The following NECAB3 variants were observed in gnomAD, a reference collection of about 807,000 sequenced individuals.
NECAB3 encodes the protein N-terminal EF-hand calcium-binding protein 3.
A neutral mutation model predicts 57.2 loss-of-function variants in NECAB3; 38 were observed. The observed-to-expected ratio is 0.66, with a 90% CI of 0.51 to 0.87. The LOEUF is 0.87. Ranked by LOEUF, NECAB3 falls within the 40% of genes least tolerant of loss-of-function variation. NECAB3 has a pLI of 0.00. For synonymous variants in NECAB3, 223 were observed against 222.6 expected (o/e 1.00, Z -0.02); for missense variants, 474 against 527.5 (o/e 0.90, Z 0.99).
intron 5 of NECAB3, chr20:33,663,430 G>C: frequency 7.8e-7 from 1 of 1,274,636 alleles, no homozygotes. Context: ...TGGACGACAG[G>C]ACCCGGGTGG....
intron 5 of NECAB3, chr20:33,667,276 G>A (rs543324516): frequency 7.0e-5 from 34 of 487,158 alleles, no homozygotes; most frequent in Admixed American, 1.3e-4. Context: ...GCCGGGCTGC[G>A]AGCTGGCGGG....
At chr20:33,672,217 C>A in intron 2 of NECAB3, 181 bp downstream of exon 2, 1 of 709,546 alleles carries the variant, frequency 1.4e-6, no homozygotes, top group Non-Finnish European at 2.4e-6. Context: ...CACTCTCCAT[C>A]CTGCCAAACT....
At chr20:33,671,038 A>G (rs2017818784) in intron 2 of NECAB3, among the ~76,000 whole-genome samples, 1 of 152,256 alleles carries the variant, frequency 6.6e-6, no homozygotes, top group African/African-American at 2.4e-5. Flanking sequence ...CAGTATGTAC[A>G]TAGCGTTGGG....
chr20:33,669,271 G>A lies in NECAB3; in HGVS notation c.387+104C>T, dbSNP rs755559957. 8 of 1,202,408 alleles carry A rather than the reference G, an allele frequency of 6.7e-6. No homozygotes were observed. The Admixed American group carries it at 1.2e-4, about 17-fold the overall frequency. 74.5% of individuals were successfully genotyped at this position (1,202,408 alleles called of 1,614,324 possible). On this transcript the variant is annotated intron_variant, in intron 5 of 11. Transcript: ENST00000246190. The stretch of plus-strand genomic sequence containing the variant: ...AGTGGGAGCCAGGATTTGAACCCAA[G>A]CCCCTAGCTCTATAACCCTGAGTCA...
At chr20:33,658,416 C>G (rs957991190) in intron 10 of NECAB3, 61 bp downstream of exon 10, 1 of 1,544,640 alleles carries the variant, frequency 6.5e-7, no homozygotes, top group African/African-American at 1.4e-5. Flanking sequence ...AATTAGAACC[C>G]TGGCCTGACT....
chr20:33,669,539 C>A (rs2017782077), intron 4 of NECAB3, 67 bp from the exon 5 acceptor site: 1 of 1,581,762 alleles, frequency 6.3e-7, no homozygotes, highest in Non-Finnish European at 8.6e-7. Context: ...GGGATTCTGG[C>A]CCCCTGGAAT....
chr20:33,657,540 C>T lies in NECAB3; in HGVS notation c.*289G>A, dbSNP rs758927225. 14 of 385,670 alleles carry T rather than the reference C, an allele frequency of 3.6e-5. No homozygotes were observed. The highest frequency in any genetic ancestry group is 9.9e-5 in the South Asian group (1 of 10,144). 23.9% of individuals were successfully genotyped at this position (385,670 alleles called of 1,614,324 possible). On this transcript the variant is annotated 3_prime_UTR_variant, in exon 12 of 12. Coordinates refer to ENST00000246190, the MANE Select transcript of NECAB3 (RefSeq NM_031232.4). The stretch of plus-strand genomic sequence containing the variant: ...GACAGGGACGGGACCTGCCCTGGGT[C>T]GCTCAGCCAGGCAGGGACAGCAGGG...
chr20:33,666,276 T>C (rs1399041914), intron 5 of NECAB3, among the ~76,000 whole-genome samples: 8 of 152,036 alleles, frequency 5.3e-5, no homozygotes, highest in African/African-American at 1.9e-4. Context: ...CATCAGATAA[T>C]TCTAAGTGGT....
In NECAB3 at chr20:33,659,581, C is replaced by G. The variant is rs779993585; in HGVS notation, c.795G>C (p.Trp265Cys). The G allele has an allele frequency of 5.6e-6, 9 of 1,596,930 alleles. No homozygotes were observed. The African/African-American group carries it at 6.7e-5, about 12-fold the overall frequency. ...SWYPPEPGPC[W>C]RPGPHSVPSQ... ...AGGGCACAGAGTGTGGGCCGGGCCT[C>G]CAGCATGGGCCTGGCTCTGGTGGAT... The change falls in exon 8 of 12, where the codon TGG becomes TGC. Residue 265 changes from tryptophan (W) to cysteine (C), a missense_variant. By Grantham distance (215) the Trp-to-Cys change is radical (BLOSUM62 -2). Coordinates refer to ENST00000246190, the MANE Select transcript of NECAB3 (RefSeq NM_031232.4).
At chr20:33,668,359 C>A in intron 5 of NECAB3, 1 of 1,356,688 alleles carries the variant, frequency 7.4e-7, no homozygotes. Flanking sequence ...CACCCCCATA[C>A]CCTTTCTGGG....
rs776392077 is a variant in NECAB3 at position 33,660,392 on chromosome 20, A to G, written c.391T>C (p.Tyr131His). ...LAAMDATKLE[Y>H]ERASKVDQFV... ...TGGTCCACTTTGGAGGCCCTCTCGT[A>G]CTCCTGTGGGCCAAGGAGGGACGGT... The change falls in exon 6 of 12, where the codon TAC (tyrosine) becomes CAC (histidine). Residue 131 changes from tyrosine (Y) to histidine (H), a missense_variant. By Grantham distance (83) the Tyr-to-His change is moderately conservative. Coordinates refer to ENST00000246190, the MANE Select transcript of NECAB3 (RefSeq NM_031232.4). The surrounding 1 kb of genome is among the most constrained non-coding windows in gnomAD (Gnocchi z 4.1). The G allele has an allele frequency of 2.5e-6, 4 of 1,613,098 alleles. No individual in the cohort carries two copies. The highest frequency in any genetic ancestry group is 3.4e-6 in the Non-Finnish European group (4 of 1,179,758).
Position 33,663,559 on chromosome 20 carries a change from G to A in NECAB3, c.388-3164C>T, listed in dbSNP as rs768782763. On this transcript the variant is annotated intron_variant, in intron 5 of 11. Coordinates refer to ENST00000246190, the MANE Select transcript of NECAB3 (RefSeq NM_031232.4). Reference sequence around the variant, plus strand: ...CAGGATCGTGCTGATTCTCCCCCTGGACAAGCGGCAGCCGCTGGCCAACGC... The same window carrying A: ...CAGGATCGTGCTGATTCTCCCCCTGAACAAGCGGCAGCCGCTGGCCAACGC... 1.9e-6 allele frequency: 3 copies of A among 1,611,116 alleles called. No individual in the cohort carries two copies. In the African/African-American group the frequency reaches 4.0e-5, roughly 22 times the overall value.
At chr20:33,661,057 C>T (rs571833622) in intron 5 of NECAB3, among the ~76,000 whole-genome samples, 1 of 152,304 alleles carries the variant, frequency 6.6e-6, no homozygotes, top group South Asian at 2.1e-4. Flanking sequence ...CCTCAACAAC[C>T]GTCAGTTCCT....
At chr20:33,658,150 G>C in intron 10 of NECAB3, 117 bp from the exon 11 acceptor site, 2 of 886,998 alleles carry the variant, frequency 2.3e-6, no homozygotes, top group Non-Finnish European at 3.4e-6. Context: ...TCTCCCCTGT[G>C]ACACGGGGAA....
rs2017323033 is a variant in NECAB3, at chr20:33,657,510, A to G, written c.*319T>C. 1 of 364,328 alleles carries G rather than the reference A, an allele frequency of 2.7e-6. No individual in the cohort carries two copies. Among genetic ancestry groups the G allele is most frequent in the Non-Finnish European group, 4.9e-6 (1 of 206,044 alleles). The allele number at this position is 364,328 out of a possible 1,614,324, so 22.6% of individuals were successfully genotyped here. On this transcript the variant is annotated 3_prime_UTR_variant, in exon 12 of 12. Transcript: ENST00000246190. The stretch of plus-strand genomic sequence containing the variant: ...TAGGCGGCCAGATGGCCTGAGGCCC[A>G]CCCAGACAGGGACGGGACCTGCCCT...
intron 5 of NECAB3, chr20:33,668,272 G>A (rs922498481): frequency 6.5e-7 from 1 of 1,545,114 alleles, no homozygotes; most frequent in Non-Finnish European, 8.7e-7. Flanking sequence ...CTGCGTTGGG[G>A]GACAGCTCTC....
At chr20:33,674,589 C>G (rs1275990494), upstream of NECAB3, 1 of 190,844 alleles carries the variant, frequency 5.2e-6, no homozygotes, top group Non-Finnish European at 9.9e-6. Context: ...GGCTCCGGTC[C>G]CGCGACGGCC....
chr20:33,658,444 C>A (rs1020963961), intron 10 of NECAB3, 33 bp downstream of exon 10: 2 of 1,605,506 alleles, frequency 1.2e-6, no homozygotes, highest in East Asian at 4.5e-5. Flanking sequence ...GGGCCACATT[C>A]CATGGTGTTA....
At position 33,669,596 on chromosome 20, in the gene NECAB3, G is replaced by A. The variant is rs552885132; in HGVS notation, c.289+91C>T. The A allele has an allele frequency of 2.6e-6, 4 of 1,535,112 alleles. No individual in the cohort carries two copies. The African/African-American group carries it at 4.1e-5, about 16-fold the overall frequency. On this transcript the variant is annotated intron_variant, in intron 4 of 11. Transcript: ENST00000246190. ...TTATATCCTGAGCCCAGCCCAACCT[G>A]TCCCATCAGGAGACCAGCAACAGTC... is the stretch of plus-strand genomic sequence containing the variant.
Sources: allele counts gnomAD v4.1 joint callset (sites outside exome capture counted in the v4.1 genomes callset), GRCh38; gene constraint gnomAD v4.1.1; non-coding constraint Gnocchi (gnomAD v3.1); transcripts MANE v1.5; gene names NCBI Gene and HGNC (gene_info 2026-07-23, HGNC 2026-07-21).